DYDC1: variants seen among roughly 807,000 people sequenced by gnomAD.
DYDC1 encodes the protein DPY30 domain containing 1, also known as DPY30 domain-containing protein 1.
Under a neutral mutation model 27.9 loss-of-function variants are expected in DYDC1, and 21 were observed. The observed-to-expected ratio is 0.75, with a 90% CI of 0.53 to 1.08. The LOEUF (loss-of-function observed/expected upper bound fraction) is 1.08. Among genes scored for constraint, DYDC1 ranks in the 50% least tolerant of loss-of-function variants. DYDC1 has a pLI of 0.00. For missense variants in DYDC1, 202 were observed against 205.9 expected, an observed-to-expected ratio of 0.98 and a Z score of 0.12; for synonymous variants, 67 against 65.8, an observed-to-expected ratio of 1.02 and a Z score of -0.09.
At chr10:80,343,259 G>T in intron 3 of DYDC1, among the ~76,000 whole-genome samples, 1 of 152,134 alleles carries the variant, frequency 6.6e-6, no homozygotes, top group East Asian at 1.9e-4. Context: ...AAGCTTTATT[G>T]AAACACAGCC....
chr10:80,338,336 T>C, intron 6 of DYDC1, 131 bp downstream of exon 6: 1 of 1,379,856 alleles, frequency 7.2e-7, no homozygotes, highest in Non-Finnish European at 9.3e-7. Flanking sequence ...CTGATTTTCT[T>C]TCTCTGAAGC....
intron 3 of DYDC1, among the ~76,000 whole-genome samples, chr10:80,351,408 C>G (rs1256534687): frequency 6.6e-6 from 1 of 152,126 alleles, no homozygotes; most frequent in Non-Finnish European, 1.5e-5. Context: ...AAAACAAACA[C>G]AAAAACATCT....
chr10:80,353,414 G>A (rs532291836), intron 1 of DYDC1, among the ~76,000 whole-genome samples: 3 of 149,052 alleles, frequency 2.0e-5, no homozygotes, highest in South Asian at 2.1e-4. Flanking sequence ...CGCCCACCTC[G>A]GCCTCCCAAA....
chr10:80,352,504 A>T lies in DYDC1; in HGVS notation c.98T>A (p.Leu33Ter), dbSNP rs759659417. The change falls in exon 2 of 7, where the codon TTA (leucine) becomes TAA (stop). Residue 33 changes from leucine to a stop codon, truncating the protein, a stop_gained. Transcript: ENST00000372202. LOFTEE classifies it high-confidence loss of function. The stretch of plus-strand genomic sequence containing the variant: ...CTTATACTTGTAAATCCACAATGCT[A>T]AATATTCTATCGGATCCACTGGGCG... ...RVRPVDPIEY[L>*]ALWIYKYKEN... 6 of 1,613,308 alleles carry T rather than the reference A, an allele frequency of 3.7e-6. No individual in the cohort carries two copies. In the African/African-American group the frequency reaches 8.0e-5, roughly 22 times the overall value.
At chr10:80,342,141 A>G in intron 4 of DYDC1, 128 bp downstream of exon 4, 3 of 817,834 alleles carry the variant, frequency 3.7e-6, no homozygotes, top group South Asian at 1.8e-5. Flanking sequence ...TGTTTAGCTT[A>G]CACAGCTAGT....
At chr10:80,337,192 GA>G in intron 6 of DYDC1, 2 of 985,450 alleles carry the variant, frequency 2.0e-6, no homozygotes, top group Non-Finnish European at 2.4e-6. Context: ...TCCTGAGGAA[GA>G]CTTGTCCAGC....
chr10:80,338,867 C>T (rs1439362962), intron 5 of DYDC1, among the ~76,000 whole-genome samples: 1 of 152,024 alleles, frequency 6.6e-6, no homozygotes, highest in African/African-American at 2.4e-5. Flanking sequence ...CTCAAGAGAG[C>T]CTAGTTTTTA....
At chr10:80,336,928 C>A (rs529701274) in intron 6 of DYDC1, among the ~76,000 whole-genome samples, 1 of 152,318 alleles carries the variant, frequency 6.6e-6, no homozygotes, top group African/African-American at 2.4e-5. Flanking sequence ...CCAATCCTCT[C>A]TCCACCTTAT....
intron 6 of DYDC1, among the ~76,000 whole-genome samples, chr10:80,336,700 T>C (rs528786950): frequency 6.6e-6 from 1 of 152,326 alleles, no homozygotes; most frequent in East Asian, 1.9e-4. Flanking sequence ...ACCTGCTTCC[T>C]CTTATGTTCA....
In DYDC1 at chr10:80,339,374, TAAATA is replaced by T. The variant is rs1029839261; in HGVS notation, c.343-226_343-222del. 2.6e-4 allele frequency among the ~76,000 whole-genome samples: 40 copies of T among 152,252 alleles called. 1 individual carries two copies. The highest frequency in any genetic ancestry group is 9.4e-4 in the African/African-American group (39 of 41,556). On this transcript the variant is annotated intron_variant, in intron 4 of 6. Transcript: ENST00000372202. ...AAGGCAACCATGTTTTATATATAAT[TAAATA>T]AAAGTTTTTTAAAAATGAAATGGAC... is the stretch of plus-strand genomic sequence containing the variant.
At position 80,346,937 on chromosome 10, in the gene DYDC1, A is replaced by T. The variant is rs553817202; in HGVS notation, c.250-4576T>A. On this transcript the variant is annotated intron_variant, in intron 3 of 6. Coordinates refer to ENST00000372202, the MANE Select transcript of DYDC1 (RefSeq NM_001269053.2). ...TAAAAATACAAAAAAAAAATTAGCC[A>T]GGTGTGGTGGCGGGTGCCTGTAATC... is the stretch of plus-strand genomic sequence containing the variant. Among the ~76,000 whole-genome samples, 471 of 151,788 alleles carry T rather than the reference A, an allele frequency of 3.1e-3. 1 individual carries two copies. The highest frequency in any genetic ancestry group is 5.1e-3 in the Non-Finnish European group (347 of 67,918).
At chr10:80,352,343 T>C (rs1286690361) in intron 2 of DYDC1, 112 bp downstream of exon 2, 1 of 1,334,314 alleles carries the variant, frequency 7.5e-7, no homozygotes, top group East Asian at 2.8e-5. Flanking sequence ...AGTTTTTGTA[T>C]AATAAACATT....
At chr10:80,344,923 T>A (rs1053255418) in intron 3 of DYDC1, 3 of 154,528 alleles carry the variant, frequency 1.9e-5, no homozygotes, top group African/African-American at 7.2e-5. Flanking sequence ...ACAAGAGCAT[T>A]TTCAAAGTCG....
chr10:80,345,406 A>C lies in DYDC1; in HGVS notation c.250-3045T>G, dbSNP rs544858820. Among the ~76,000 whole-genome samples the C allele has an allele frequency of 3.9e-5, 6 of 152,292 alleles. No individual in the cohort carries two copies. In the East Asian group the frequency reaches 1.2e-3, roughly 29 times the overall value. On this transcript the variant is annotated intron_variant, in intron 3 of 6. Coordinates refer to ENST00000372202, the MANE Select transcript of DYDC1 (RefSeq NM_001269053.2). Reference sequence around the variant, plus strand: ...AAGCAATTTCAATATCCATCATCTTAGACAGTTACTTTTGTATGGTAAGAG... The same window carrying C: ...AAGCAATTTCAATATCCATCATCTTCGACAGTTACTTTTGTATGGTAAGAG...
chr10:80,340,328 G>A (rs1842276780), intron 4 of DYDC1, among the ~76,000 whole-genome samples: 1 of 152,192 alleles, frequency 6.6e-6, no homozygotes, highest in African/African-American at 2.4e-5. Flanking sequence ...GCCATAAGAA[G>A]GCCAAGGGAA....
chr10:80,336,275 A>C, intron 6 of DYDC1, 90 bp from the exon 7 acceptor site: 1 of 1,440,872 alleles, frequency 6.9e-7, no homozygotes, highest in Non-Finnish European at 9.1e-7. Flanking sequence ...GGTAACTTCT[A>C]TGTGACTACA....
chr10:80,337,504 T>C, intron 6 of DYDC1: 1 of 926,416 alleles, frequency 1.1e-6, no homozygotes, highest in Non-Finnish European at 1.3e-6. Context: ...CCCACACTGT[T>C]ACCAGATGGT....
intron 3 of DYDC1, among the ~76,000 whole-genome samples, chr10:80,349,083 G>A (rs564481185): frequency 6.6e-6 from 1 of 152,190 alleles, no homozygotes; most frequent in Non-Finnish European, 1.5e-5. Flanking sequence ...AGTAGAGACG[G>A]GGTTTCACCG....
chr10:80,346,444 CTTTTTT>C (rs1032729095), intron 3 of DYDC1, among the ~76,000 whole-genome samples: 5,265 of 83,058 alleles, frequency 0.063, 34 homozygotes, highest in Middle Eastern at 0.12. Context: ...TCTTCCCTTT[CTTTTTT>C]TTTTTTTTTT....
Sources: allele counts gnomAD v4.1 joint callset (sites outside exome capture counted in the v4.1 genomes callset), GRCh38; gene constraint gnomAD v4.1.1; transcripts MANE v1.5; gene names NCBI Gene and HGNC (gene_info 2026-07-23, HGNC 2026-07-21).